The following SPATA17 variants were observed in gnomAD, a reference collection of about 807,000 sequenced individuals.
The protein encoded by SPATA17 is spermatogenesis-associated protein 17.
A neutral mutation model predicts 62.2 loss-of-function variants in SPATA17; 53 were observed. The observed-to-expected ratio is 0.85, with a 90% confidence interval of 0.68 to 1.07. The LOEUF (loss-of-function observed/expected upper bound fraction) is 1.07. SPATA17 is among the 50% of genes least tolerant of loss of function. The pLI is 0.00. For missense variants in SPATA17, 466 were observed against 425.5 expected (o/e 1.10, Z -0.84); for synonymous variants, 146 against 146.8 (o/e 0.99, Z 0.04).
At chr1:217,697,314 T>A (rs1455222071) in intron 5 of SPATA17, among the ~76,000 whole-genome samples, 2 of 152,206 alleles carry the variant, frequency 1.3e-5, no homozygotes, top group Non-Finnish European at 2.9e-5. Flanking sequence ...TCATTGTCCT[T>A]GCAAGATTTT....
chr1:217,823,789 C>T (rs1160278250), intron 9 of SPATA17, among the ~76,000 whole-genome samples: 1 of 151,858 alleles, frequency 6.6e-6, no homozygotes, highest in African/African-American at 2.4e-5. Context: ...TATTTAAGTG[C>T]TCTGTTGTCG....
intron 9 of SPATA17, among the ~76,000 whole-genome samples, chr1:217,824,892 C>T (rs1484563559): frequency 6.6e-6 from 1 of 150,720 alleles, no homozygotes. Flanking sequence ...TGTAAATATC[C>T]TACAATACAA....
chr1:217,656,495 T>C (rs918229307), intron 3 of SPATA17, among the ~76,000 whole-genome samples: 2 of 152,160 alleles, frequency 1.3e-5, no homozygotes, highest in Non-Finnish European at 2.9e-5. Flanking sequence ...GATTGGTTCA[T>C]GATGGTTTTT....
intron 3 of SPATA17, among the ~76,000 whole-genome samples, chr1:217,667,238 G>A (rs376994411): frequency 3.9e-4 from 59 of 151,548 alleles, no homozygotes; most frequent in Non-Finnish European, 6.0e-4. Context: ...TAGTAGAGAC[G>A]GGGTTTCACC....
At chr1:217,704,282 C>T (rs1371151037) in intron 5 of SPATA17, among the ~76,000 whole-genome samples, 3 of 113,078 alleles carry the variant, frequency 2.7e-5, no homozygotes, top group Non-Finnish European at 3.3e-5. Flanking sequence ...CTCGCTCTGT[C>T]GCCCAGGCCG....
intron 3 of SPATA17, among the ~76,000 whole-genome samples, chr1:217,655,544 A>G (rs1057379750): frequency 3.3e-5 from 5 of 152,192 alleles, no homozygotes; most frequent in Non-Finnish European, 1.5e-5. Context: ...TTAGCATCCA[A>G]TTACGATTCT....
chr1:217,767,560 A>T (rs139385394), intron 6 of SPATA17, among the ~76,000 whole-genome samples: 151 of 152,260 alleles, frequency 9.9e-4, no homozygotes, highest in African/African-American at 3.2e-3. Flanking sequence ...ATTTTTAACA[A>T]CTTTCTTCTG....
At position 217,790,533 on chromosome 1, in the gene SPATA17, C is replaced by T. The variant is rs193231893; in HGVS notation, c.872+8211C>T. On this transcript the variant is annotated intron_variant, in intron 8 of 10. Coordinates refer to ENST00000366933, the MANE Select transcript of SPATA17 (RefSeq NM_138796.4). ...TCGGCTCACTGCAAGCTCTGCCTCC[C>T]GGGTTCACGCCATTCTCCTGCCTCA... 4.6e-5 allele frequency among the ~76,000 whole-genome samples: 7 copies of T among 152,212 alleles called. No individual in the cohort carries two copies. In the East Asian group the frequency reaches 1.4e-3, roughly 30 times the overall value.
chr1:217,745,446 A>G (rs1672725636), intron 6 of SPATA17, among the ~76,000 whole-genome samples: 1 of 152,134 alleles, frequency 6.6e-6, no homozygotes, highest in Non-Finnish European at 1.5e-5. Context: ...GAAAGTTCAT[A>G]TGTTCTCTTC....
chr1:217,826,582 T>A (rs1394415776), intron 9 of SPATA17, among the ~76,000 whole-genome samples: 2 of 152,250 alleles, frequency 1.3e-5, no homozygotes, highest in African/African-American at 4.8e-5. Context: ...AACTAATATA[T>A]CCAGAATGAT....
intron 5 of SPATA17, among the ~76,000 whole-genome samples, chr1:217,727,173 G>A (rs1445757360): frequency 1.3e-5 from 2 of 151,622 alleles, no homozygotes; most frequent in Non-Finnish European, 2.9e-5. Flanking sequence ...CTCGAACCCG[G>A]GAGGCGGAGG....
intron 1 of SPATA17, among the ~76,000 whole-genome samples, chr1:217,634,897 T>TTTG (rs140552696): frequency 0.052 from 7,842 of 150,012 alleles, 277 homozygotes; most frequent in African/African-American, 0.098. Context: ...TATTGGCCTT[T>TTTG]TTGTTGTTGT....
chr1:217,669,831 C>T (rs78007738), intron 4 of SPATA17, among the ~76,000 whole-genome samples: 1,739 of 152,118 alleles, frequency 0.011, 28 homozygotes, highest in African/African-American at 0.038. Flanking sequence ...TCTGAAAGTG[C>T]TGGGGTGAAC....
At chr1:217,692,661 G>A (rs1333652635) in intron 5 of SPATA17, among the ~76,000 whole-genome samples, 4 of 112,702 alleles carry the variant, frequency 3.5e-5, no homozygotes, top group East Asian at 5.9e-4. Flanking sequence ...TTTGAAATAC[G>A]TCCCATCAAT....
rs554079718 is a variant in SPATA17 at position 217,827,656 on chromosome 1, G to A, written c.1005+25806G>A. Among the ~76,000 whole-genome samples, 298 of 152,216 alleles carry A rather than the reference G, an allele frequency of 2.0e-3. 1 individual carries two copies. Among genetic ancestry groups the A allele is most frequent in the African/African-American group, 6.9e-3 (287 of 41,540 alleles). On this transcript the variant is annotated intron_variant, in intron 9 of 10. Transcript: ENST00000366933. ...CCAAATGCCCATCAGTGATAGACTGGATAAAGAAAATGTGGTATATATACA... is the reference window on the plus strand; with the variant it reads ...CCAAATGCCCATCAGTGATAGACTGAATAAAGAAAATGTGGTATATATACA...
intron 9 of SPATA17, among the ~76,000 whole-genome samples, chr1:217,810,254 T>A (rs758239081): frequency 8.5e-5 from 13 of 152,174 alleles, no homozygotes; most frequent in Non-Finnish European, 1.8e-4. Context: ...ATATTTTTTA[T>A]TTTAGAGGAA....
chr1:217,641,734 A>C (rs982918497), intron 1 of SPATA17, among the ~76,000 whole-genome samples: 1 of 152,108 alleles, frequency 6.6e-6, no homozygotes, highest in Non-Finnish European at 1.5e-5. Context: ...TTGCAACCTG[A>C]TGTCCCATTG....
intron 8 of SPATA17, among the ~76,000 whole-genome samples, chr1:217,786,750 T>TTTC (rs35648538): frequency 0.084 from 8,951 of 107,090 alleles, 390 homozygotes; most frequent in Non-Finnish European, 0.094. Context: ...TGATATTCTC[T>TTTC]TTCTTCTTCT....
At chr1:217,788,901 A>C (rs1673926857) in intron 8 of SPATA17, among the ~76,000 whole-genome samples, 1 of 152,246 alleles carries the variant, frequency 6.6e-6, no homozygotes, top group Admixed American at 6.5e-5. Context: ...AGGTTTTCAA[A>C]TCAAGAAGCT....
Sources: allele counts gnomAD v4.1 joint callset (sites outside exome capture counted in the v4.1 genomes callset), GRCh38; gene constraint gnomAD v4.1.1; transcripts MANE v1.5; gene names NCBI Gene and HGNC (gene_info 2026-07-23, HGNC 2026-07-21).